CEP78: variants seen among roughly 807,000 people sequenced by gnomAD.
CEP78 encodes the protein centrosomal protein of 78 kDa.
A neutral mutation model predicts 81.2 loss-of-function variants in CEP78; 76 were observed. That is an observed-to-expected ratio of 0.94 (90% CI 0.78 to 1.13). The LOEUF (loss-of-function observed/expected upper bound fraction) is 1.13. Ranked by LOEUF, CEP78 falls within the 50% of genes most tolerant of loss-of-function variation. The pLI, the probability that CEP78 is intolerant of heterozygous loss-of-function variation, is 0.00. For missense variants in CEP78, 918 were observed against 846.8 expected (o/e 1.08, Z -1.04); for synonymous variants, 293 against 301.4 (o/e 0.97, Z 0.29).
At chr9:78,251,767 T>A in intron 8 of CEP78, 141 bp from the exon 9 acceptor site, 1 of 485,058 alleles carries the variant, frequency 2.1e-6, no homozygotes. Flanking sequence ...AAAAAGGTAT[T>A]TACAAATTGA....
chr9:78,241,723 T>A lies in CEP78; in HGVS notation c.527T>A (p.Ile176Asn), dbSNP rs377654767. The A allele has an allele frequency of 7.5e-6, 12 of 1,600,282 alleles. No homozygotes were observed. The highest frequency in any genetic ancestry group is 7.7e-6 in the Non-Finnish European group (9 of 1,169,894). Residue 176 changes from isoleucine (I) to asparagine (N), a missense_variant, in exon 4 of 17, where the codon ATC (isoleucine) becomes AAC (asparagine). Coordinates refer to ENST00000643273, the MANE Select transcript of CEP78 (RefSeq NM_001330691.3). ...EIICQGIKSSITLKTVNFTGC... is the reference protein window; with the variant it reads ...EIICQGIKSSNTLKTVNFTGC... ...ATTTGTCAAGGTATAAAGAGCTCTA[T>A]CACTCTTAAGACAGTCAACTTCACA...
Position 78,253,252 on chromosome 9 carries a change from C to T in CEP78, c.1226C>T (p.Thr409Ile), listed in dbSNP as rs1347982615. ...KRHRGFPLIK[T>I]RDICNQLQQP... ...TTTAGGGGTTTCCCATTAATCAAAA[C>T]ACGTGATATATGTAATCAGTTGCAG... Residue 409 changes from threonine (T) to isoleucine (I), a missense_variant, in exon 10 of 17, where the codon ACA becomes ATA. Coordinates refer to ENST00000643273, the MANE Select transcript of CEP78 (RefSeq NM_001330691.3). 2.9e-6 allele frequency: 4 copies of T among 1,389,482 alleles called. No individual in the cohort carries two copies. Among genetic ancestry groups the T allele is most frequent in the Middle Eastern group, 1.8e-4 (1 of 5,668 alleles). 86.1% of individuals were successfully genotyped at this position (1,389,482 alleles called of 1,614,324 possible).
In CEP78 at chr9:78,266,455, C is replaced by T; in HGVS notation, c.1859C>T (p.Thr620Ile). ...TTTTCCTTCTAGTTTCAGAAAATTA[C>T]AGGTGATGCTAGAATTCCTTTGCCT... ...EGTLMKFQKITGDARIPLPLD... is the reference protein window; with the variant it reads ...EGTLMKFQKIIGDARIPLPLD... Residue 620 changes from threonine to isoleucine, a missense_variant, in exon 16 of 17, where the codon ACA (threonine) becomes ATA (isoleucine). Coordinates refer to ENST00000643273, the MANE Select transcript of CEP78 (RefSeq NM_001330691.3). 3.1e-6 allele frequency: 5 copies of T among 1,589,746 alleles called. No homozygotes were observed. Among genetic ancestry groups the T allele is most frequent in the South Asian group, 1.1e-5 (1 of 87,342 alleles).
intron 11 of CEP78, among the ~76,000 whole-genome samples, chr9:78,259,997 T>G (rs1052871778): frequency 6.6e-6 from 1 of 152,246 alleles, no homozygotes; most frequent in Non-Finnish European, 1.5e-5. Context: ...ATTTATTGGT[T>G]GTCTGCTTTG....
At chr9:78,238,370 T>C (rs1478681464) in intron 1 of CEP78, among the ~76,000 whole-genome samples, 1 of 152,172 alleles carries the variant, frequency 6.6e-6, no homozygotes, top group Non-Finnish European at 1.5e-5. Flanking sequence ...ATGTGTCTGC[T>C]AGGCAGATCT....
chr9:78,257,567 G>A (rs1313660438), intron 11 of CEP78, among the ~76,000 whole-genome samples: 4 of 152,182 alleles, frequency 2.6e-5, no homozygotes, highest in East Asian at 3.9e-4. Flanking sequence ...CTTGAAGCAT[G>A]TTACTATGTA....
chr9:78,263,768 A>G (rs899905196), intron 12 of CEP78, among the ~76,000 whole-genome samples: 2 of 152,166 alleles, frequency 1.3e-5, no homozygotes, highest in Admixed American at 1.3e-4. Context: ...AAATTTATAT[A>G]TTAAGTATTT....
chr9:78,270,971 G>T lies in CEP78; in HGVS notation c.*120G>T, dbSNP rs1827677813. ...TTAAGTACCAGTTAATTAAAGGATGGAACAGCTAAGCCATTCCACTCATCT... is the reference window on the plus strand; with the variant it reads ...TTAAGTACCAGTTAATTAAAGGATGTAACAGCTAAGCCATTCCACTCATCT... On this transcript the variant is annotated 3_prime_UTR_variant, in exon 17 of 17. Coordinates refer to ENST00000643273, the MANE Select transcript of CEP78 (RefSeq NM_001330691.3). 1.7e-6 allele frequency: 1 copy of T among 572,258 alleles called. No individual in the cohort carries two copies. The highest frequency in any genetic ancestry group is 3.0e-6 in the Non-Finnish European group (1 of 329,522). 35.4% of individuals were successfully genotyped at this position (572,258 alleles called of 1,614,324 possible). A position where few individuals can be genotyped will look rare whatever the true frequency, so the allele number is the denominator to read the frequency against.
intron 11 of CEP78, among the ~76,000 whole-genome samples, chr9:78,256,571 C>T (rs1202154480): frequency 1.7e-4 from 21 of 124,298 alleles, no homozygotes; most frequent in Non-Finnish European, 3.1e-4. Context: ...CTCGCTCTGT[C>T]GCCCAGGCTG....
At chr9:78,245,830 C>T (rs1218633859) in intron 5 of CEP78, among the ~76,000 whole-genome samples, 1 of 152,092 alleles carries the variant, frequency 6.6e-6, no homozygotes, top group African/African-American at 2.4e-5. Context: ...TCTTTGGATT[C>T]ATTATTTCTA....
chr9:78,267,855 G>C (rs1827600644), intron 16 of CEP78, among the ~76,000 whole-genome samples: 1 of 152,020 alleles, frequency 6.6e-6, no homozygotes, highest in East Asian at 1.9e-4. Context: ...CCTACAACCA[G>C]ACTATGACTT....
chr9:78,265,773 T>A (rs2118483672), intron 14 of CEP78, 86 bp from the exon 15 acceptor site: 1 of 793,678 alleles, frequency 1.3e-6, no homozygotes. Flanking sequence ...TAAAGTAGAC[T>A]ATCCTCAGTG....
intron 13 of CEP78, 56 bp downstream of exon 13, chr9:78,264,372 C>T: frequency 6.7e-7 from 1 of 1,503,616 alleles, no homozygotes; most frequent in South Asian, 1.2e-5. Flanking sequence ...TGGTGTTTTG[C>T]TGAGGAACTT....
Position 78,243,945 on chromosome 9 carries a change from A to G in CEP78, c.778+309A>G, listed in dbSNP as rs960877894. ...TGCTTAGAGTTACAAGAACAGAACT[A>G]TAGTGCACTTACCATTTTGTAACCC... On this transcript the variant is annotated intron_variant, in intron 5 of 16. Coordinates refer to ENST00000643273, the MANE Select transcript of CEP78 (RefSeq NM_001330691.3). Among the ~76,000 whole-genome samples, 3 of 152,046 alleles carry G rather than the reference A, an allele frequency of 2.0e-5. No homozygotes were observed. The South Asian group carries it at 6.2e-4, about 32-fold the overall frequency.
At position 78,236,969 on chromosome 9, in the gene CEP78, C is replaced by CTTTTTTTTTTTTTTTTT. The variant is rs71360676; in HGVS notation, c.253+379_253+395dup. Among the ~76,000 whole-genome samples the CTTTTTTTTTTTTTTTTT allele has an allele frequency of 6.4e-5, 4 of 62,112 alleles. 1 individual carries two copies. Among genetic ancestry groups the CTTTTTTTTTTTTTTTTT allele is most frequent in the African/African-American group, 2.5e-4 (4 of 16,056 alleles). The allele number at this position is 62,112 out of a possible 152,430, so 40.7% of individuals were successfully genotyped here. A position where few individuals can be genotyped will look rare whatever the true frequency, so the allele number is the denominator to read the frequency against. On this transcript the variant is annotated intron_variant, in intron 1 of 16. Coordinates refer to ENST00000643273, the MANE Select transcript of CEP78 (RefSeq NM_001330691.3). ...GAAATTAATACATGTCAGCCTTTGT[C>CTTTTTTTTTTTTTTTTT]TTTTTTTTTTTTTTTTTTTTTTTTT...
rs1730035872 is a variant in CEP78 at position 78,276,082 on chromosome 9, CACAAGG to C, written c.*5233_*5238del. ...CTTATAGCAAACTGCACAAATAAAA[CACAAGG>C]AAAACTAAACCAAATTCAATTAATG... On this transcript the variant is annotated 3_prime_UTR_variant, in exon 17 of 17. Transcript: ENST00000643273. 1 of 152,168 alleles carries C rather than the reference CACAAGG, an allele frequency of 6.6e-6. No homozygotes were observed. The highest frequency in any genetic ancestry group is 2.1e-4 in the South Asian group (1 of 4,836). 9.4% of individuals were successfully genotyped at this position (152,168 alleles called of 1,614,324 possible).
intron 11 of CEP78, among the ~76,000 whole-genome samples, chr9:78,256,799 A>G (rs1177266359): frequency 6.6e-6 from 1 of 152,158 alleles, no homozygotes; most frequent in Non-Finnish European, 1.5e-5. Flanking sequence ...ATACTTTAAG[A>G]AAAAAACTCT....
intron 15 of CEP78, among the ~76,000 whole-genome samples, chr9:78,266,197 CT>C (rs953340542): frequency 1.4e-4 from 20 of 146,482 alleles, no homozygotes; most frequent in South Asian, 2.2e-4. Context: ...GAATAAGGTT[CT>C]TTTTTTTTTA....
intron 1 of CEP78, among the ~76,000 whole-genome samples, chr9:78,237,376 A>G (rs1441347557): frequency 2.0e-5 from 3 of 151,930 alleles, no homozygotes; most frequent in Non-Finnish European, 2.9e-5. Flanking sequence ...AGGGATCCAG[A>G]CTCTCTGATT....
Sources: allele counts gnomAD v4.1 joint callset (sites outside exome capture counted in the v4.1 genomes callset), GRCh38; gene constraint gnomAD v4.1.1; transcripts MANE v1.5; gene names NCBI Gene and HGNC (gene_info 2026-07-23, HGNC 2026-07-21).